Variants in CLASP2 observed in about 807,000 individuals in gnomAD.
The protein encoded by CLASP2 is CLIP-associating protein 2.
A neutral mutation model predicts 194.4 loss-of-function variants in CLASP2; 47 were observed. The ratio of observed to expected loss-of-function variants is 0.24; its 90% CI spans 0.19 to 0.31. The LOEUF (loss-of-function observed/expected upper bound fraction) is 0.31. CLASP2 is among the 10% of genes least tolerant of loss of function. The pLI, the probability that CLASP2 is intolerant of heterozygous loss-of-function variation, is 1.00. For missense variants in CLASP2, 1,445 were observed against 1,823.6 expected, an observed-to-expected ratio of 0.79 and a Z score of 3.78; for synonymous variants, 619 against 633.5, an observed-to-expected ratio of 0.98 and a Z score of 0.34.
chr3:33,551,875 T>C (rs962550831), intron 29 of CLASP2, among the ~76,000 whole-genome samples: 1 of 151,708 alleles, frequency 6.6e-6, no homozygotes, highest in African/African-American at 2.4e-5. Flanking sequence ...TTTGGGAAAA[T>C]GAACCAAAGT....
intron 6 of CLASP2, among the ~76,000 whole-genome samples, chr3:33,668,091 G>A (rs1296355922): frequency 1.3e-5 from 2 of 151,746 alleles, no homozygotes; most frequent in Admixed American, 1.3e-4. Context: ...TGGTAGCAGG[G>A]GCCTGTAATC....
chr3:33,605,454 A>G (rs1030453162), intron 16 of CLASP2, among the ~76,000 whole-genome samples: 5 of 152,200 alleles, frequency 3.3e-5, no homozygotes, highest in African/African-American at 1.2e-4. Context: ...CTGAAAACCT[A>G]TAAGCAACTG....
chr3:33,543,520 A>C lies in CLASP2; in HGVS notation c.3317T>G (p.Leu1106Trp). The change falls in exon 32 of 39, where the codon TTG becomes TGG. Residue 1106 changes from leucine (L) to tryptophan (W), a missense_variant. Physicochemically the swap from Leu to Trp is moderately conservative, Grantham distance 61. Transcript: ENST00000682230. ...NGTQSSMGSP[L>W]TRPTPRSPAN... is the part of the protein sequence containing the mutation. ...TGGTGATCGTGGTGTTGGTCTTGTC[A>C]AAGGACTCCCCATGGAACTCTGATG... 6.2e-7 allele frequency: 1 copy of C among 1,611,806 alleles called. No individual in the cohort carries two copies. Among genetic ancestry groups the C allele is most frequent in the Non-Finnish European group, 8.5e-7 (1 of 1,177,886 alleles).
intron 10 of CLASP2, among the ~76,000 whole-genome samples, chr3:33,625,854 G>T (rs2077956050): frequency 2.0e-5 from 3 of 151,198 alleles, no homozygotes; most frequent in African/African-American, 7.3e-5. Context: ...GTAGTTTTCT[G>T]CATTGTTTCA....
At position 33,718,074 on chromosome 3, in the gene CLASP2, G is replaced by T; in HGVS notation, c.-72C>A. ...CGCCGAGAGCCGCCCAGCCTCCAGT[G>T]CGGGTCCCCGCGGGAGCGGGCGGGA... On this transcript the variant is annotated 5_prime_UTR_variant, in exon 1 of 39. Coordinates refer to ENST00000682230, the MANE Select transcript of CLASP2 (RefSeq NM_001365631.1). 7.2e-7 allele frequency: 1 copy of T among 1,392,958 alleles called. No homozygotes were observed. Among genetic ancestry groups the T allele is most frequent in the Non-Finnish European group, 9.3e-7 (1 of 1,071,762 alleles). 86.3% of individuals were successfully genotyped at this position (1,392,958 alleles called of 1,614,324 possible).
At chr3:33,638,143 CATAA>C (rs1315109314) in intron 8 of CLASP2, among the ~76,000 whole-genome samples, 1 of 152,094 alleles carries the variant, frequency 6.6e-6, no homozygotes, top group Non-Finnish European at 1.5e-5. Context: ...TGAGTGCCTA[CATAA>C]ATAAACACGG....
At position 33,523,418 on chromosome 3, in the gene CLASP2, A is replaced by G. The variant is rs1454978831; in HGVS notation, c.3788-6244T>C. Among the ~76,000 whole-genome samples, 3 of 152,306 alleles carry G rather than the reference A, an allele frequency of 2.0e-5. No individual in the cohort carries two copies. In the East Asian group the frequency reaches 5.8e-4, roughly 29 times the overall value. On this transcript the variant is annotated intron_variant, in intron 34 of 38. Coordinates refer to ENST00000682230, the MANE Select transcript of CLASP2 (RefSeq NM_001365631.1). ...GACAGAATCTTGCAAGCAGCAACAG[A>G]TAAGTGACCAGTGACATAAAAAGGA...
Position 33,532,103 on chromosome 3 carries a change from A to C in CLASP2, c.3787+3130T>G, listed in dbSNP as rs1030393943. On this transcript the variant is annotated intron_variant, in intron 34 of 38. Transcript: ENST00000682230. ...CATAGCAACATTATTCATAACAGCC[A>C]AAACTTGGAAGCAACACAAGTGTCC... 5.3e-5 allele frequency among the ~76,000 whole-genome samples: 8 copies of C among 152,362 alleles called. No individual in the cohort carries two copies. The East Asian group carries it at 1.5e-3, about 29-fold the overall frequency.
rs1284210773 is a variant in CLASP2 at position 33,510,777 on chromosome 3, G to C, written c.4111-13C>G. 2.5e-6 allele frequency: 4 copies of C among 1,587,952 alleles called. No individual in the cohort carries two copies. Among genetic ancestry groups the C allele is most frequent in the Non-Finnish European group, 3.4e-6 (4 of 1,166,012 alleles). ...CAGATCTCACCACCTAAAAAAAATA[G>C]GAAATTAAGCCAGAAAGTAATTTTT... On this transcript the variant is annotated splice_polypyrimidine_tract_variant and intron_variant, in intron 36 of 38. Coordinates refer to ENST00000682230, the MANE Select transcript of CLASP2 (RefSeq NM_001365631.1).
chr3:33,591,454 A>C lies in CLASP2; in HGVS notation c.2068+941T>G, dbSNP rs115837784. Among the ~76,000 whole-genome samples, 334 of 151,898 alleles carry C rather than the reference A, an allele frequency of 2.2e-3. 2 individuals are homozygous for C. The highest frequency in any genetic ancestry group is 7.9e-3 in the African/African-American group (326 of 41,470). On this transcript the variant is annotated intron_variant, in intron 21 of 38. Transcript: ENST00000682230. The stretch of plus-strand genomic sequence containing the variant: ...ACAGCAAGACCCCATCTCTTAAAAC[A>C]AACAAAAAATTAGCCAGGCAGTGGC...
At chr3:33,619,148 A>G (rs2076701194) in intron 12 of CLASP2, among the ~76,000 whole-genome samples, 1 of 152,200 alleles carries the variant, frequency 6.6e-6, no homozygotes, top group African/African-American at 2.4e-5. Context: ...ACATATCCAA[A>G]AGTAGTAAAG....
intron 22 of CLASP2, 25 bp downstream of exon 22, chr3:33,584,725 C>T: frequency 6.8e-7 from 1 of 1,472,368 alleles, no homozygotes; most frequent in Non-Finnish European, 9.0e-7. Flanking sequence ...ACATGTCTCA[C>T]ATAAAAAAAA....
chr3:33,581,650 C>T (rs997072394), intron 23 of CLASP2, among the ~76,000 whole-genome samples, 171 bp downstream of exon 23: 3 of 152,168 alleles, frequency 2.0e-5, no homozygotes, highest in Non-Finnish European at 4.4e-5. Context: ...ACATGTAAAT[C>T]AAGTCAAAGG....
At chr3:33,596,653 T>A in intron 19 of CLASP2, 58 bp downstream of exon 19, 5 of 1,179,764 alleles carry the variant, frequency 4.2e-6, no homozygotes, top group Non-Finnish European at 6.1e-6. Flanking sequence ...ACAAGGATAT[T>A]ATATAGAATC....
At chr3:33,517,914 T>A (rs1311486716) in intron 34 of CLASP2, among the ~76,000 whole-genome samples, 2 of 152,276 alleles carry the variant, frequency 1.3e-5, no homozygotes, top group Non-Finnish European at 2.9e-5. Flanking sequence ...TCCCAAAGTG[T>A]TGGGATTATA....
At chr3:33,566,915 AC>A (rs1214604491) in intron 26 of CLASP2, among the ~76,000 whole-genome samples, 181 bp from the exon 27 acceptor site, 1 of 152,256 alleles carries the variant, frequency 6.6e-6, no homozygotes, top group African/African-American at 2.4e-5. Flanking sequence ...TTAAAACAAG[AC>A]TTAAATGAAT....
At chr3:33,602,927 A>C in intron 18 of CLASP2, 25 bp downstream of exon 18, 1 of 1,594,946 alleles carries the variant, frequency 6.3e-7, no homozygotes, top group Non-Finnish European at 8.6e-7. Context: ...AACATGGTAC[A>C]ATTTTCCATA....
At chr3:33,574,212 T>TA (rs942474455) in intron 24 of CLASP2, among the ~76,000 whole-genome samples, 2 of 152,102 alleles carry the variant, frequency 1.3e-5, no homozygotes. Flanking sequence ...AAGATGTCTA[T>TA]AAAACAGATT....
intron 30 of CLASP2, among the ~76,000 whole-genome samples, chr3:33,545,960 T>C (rs2059097711): frequency 6.6e-6 from 1 of 151,320 alleles, no homozygotes; most frequent in Non-Finnish European, 1.5e-5. Flanking sequence ...AACAAAGAAG[T>C]GTAAGTTGTG....
Sources: gnomAD v4.1 joint callset for allele counts (sites outside exome capture counted in the v4.1 genomes callset) on GRCh38, gnomAD v4.1.1 for gene constraint, MANE v1.5 for transcripts, NCBI Gene and HGNC (gene_info 2026-07-23, HGNC 2026-07-21) for gene names.